The following DYNC2H1 variants were observed in gnomAD, a reference collection of about 807,000 sequenced individuals.
The protein encoded by DYNC2H1 is cytoplasmic dynein 2 heavy chain 1.
In DYNC2H1, 410 loss-of-function variants were observed where a neutral mutation model predicts 570.0. The ratio of observed to expected loss-of-function variants is 0.72; its 90% CI spans 0.66 to 0.78. DYNC2H1 has a LOEUF of 0.78. Ranked by LOEUF, DYNC2H1 falls within the 30% of genes least tolerant of loss-of-function variation. DYNC2H1 has a pLI of 0.00. For missense variants in DYNC2H1, 4,865 were observed against 5,046.4 expected (o/e 0.96, Z 1.09); for synonymous variants, 1,688 against 1,677.6 (o/e 1.01, Z -0.15).
intron 87 of DYNC2H1, among the ~76,000 whole-genome samples, chr11:103,457,663 C>T (rs1944843549): frequency 1.3e-5 from 2 of 151,784 alleles, no homozygotes; most frequent in South Asian, 4.2e-4. Context: ...CGCAAAAAAT[C>T]AAAAGTATAA....
At position 103,451,324 on chromosome 11, in the gene DYNC2H1, C is replaced by CTTT. The variant is rs34032894; in HGVS notation, c.12457-3837_12457-3835dup. ...AGAAATGAATCACTGAGTAAAAGGG[C>CTTT]TTTTTTTTTTTTTTTTTTTTTTTTT... On this transcript the variant is annotated intron_variant, in intron 85 of 88. Coordinates refer to ENST00000375735, the MANE Select transcript of DYNC2H1 (RefSeq NM_001377.3). Among the ~76,000 whole-genome samples the CTTT allele has an allele frequency of 2.6e-3, 187 of 71,042 alleles. 36 individuals are homozygous for CTTT. The highest frequency in any genetic ancestry group is 8.2e-3 in the African/African-American group (122 of 14,840). 46.6% of individuals were successfully genotyped at this position (71,042 alleles called of 152,430 possible).
chr11:103,288,213 CAAAGGCAG>C lies in DYNC2H1; in HGVS notation c.11095+610_11095+617del, dbSNP rs1866428969. On this transcript the variant is annotated intron_variant, in intron 75 of 88. Coordinates refer to ENST00000375735, the MANE Select transcript of DYNC2H1 (RefSeq NM_001377.3). ...ATTTTGTAGCTAATTTGTTAGTCTG[CAAAGGCAG>C]ACTAGCCCCCAGGCAAGAAGGGGGT... is the stretch of plus-strand genomic sequence containing the variant. Among the ~76,000 whole-genome samples, 6 of 152,038 alleles carry C rather than the reference CAAAGGCAG, an allele frequency of 3.9e-5. No homozygotes were observed. In the South Asian group the frequency reaches 1.2e-3, roughly 32 times the overall value.
intron 34 of DYNC2H1, among the ~76,000 whole-genome samples, chr11:103,172,667 CAGAT>C (rs1177080816): frequency 1.3e-5 from 2 of 151,970 alleles, no homozygotes; most frequent in African/African-American, 4.8e-5. Context: ...TCTGTAATAC[CAGAT>C]AGACTCTGAG....
intron 83 of DYNC2H1, among the ~76,000 whole-genome samples, chr11:103,374,212 T>C (rs1941295970): frequency 6.6e-6 from 1 of 152,170 alleles, no homozygotes; most frequent in African/African-American, 2.4e-5. Context: ...CCGTGTGTCA[T>C]GGGAGGGACC....
rs1369405524 is a variant in DYNC2H1 at position 103,177,426 on chromosome 11, T to G, written c.5875-130T>G. Reference sequence around the variant, plus strand: ...TTTATTTAGGTAGTCTATTACATTTTAGGCAATACCTTCCACTGAAGAAAT... The same window carrying G: ...TTTATTTAGGTAGTCTATTACATTTGAGGCAATACCTTCCACTGAAGAAAT... On this transcript the variant is annotated intron_variant, in intron 37 of 88. Coordinates refer to ENST00000375735, the MANE Select transcript of DYNC2H1 (RefSeq NM_001377.3). The surrounding 1 kb of genome is among the most constrained non-coding windows in gnomAD (Gnocchi z 4.4). The G allele has an allele frequency of 5.1e-6, 4 of 783,038 alleles. No individual in the cohort carries two copies. Among genetic ancestry groups the G allele is most frequent in the Non-Finnish European group, 5.8e-6 (3 of 516,674 alleles). The allele number at this position is 783,038 out of a possible 1,614,324, so 48.5% of individuals were successfully genotyped here.
chr11:103,159,610 G>A (rs1277035633), intron 28 of DYNC2H1, among the ~76,000 whole-genome samples: 1 of 151,900 alleles, frequency 6.6e-6, no homozygotes, highest in Non-Finnish European at 1.5e-5. Flanking sequence ...CACTTTAATG[G>A]GATACTTATT....
At chr11:103,423,871 A>T (rs1034407090) in intron 84 of DYNC2H1, among the ~76,000 whole-genome samples, 2 of 152,084 alleles carry the variant, frequency 1.3e-5, no homozygotes, top group African/African-American at 4.8e-5. Flanking sequence ...ATATATAAAG[A>T]TCAGTTGTAT....
chr11:103,188,776 A>C, intron 44 of DYNC2H1, 128 bp downstream of exon 44: 1 of 747,304 alleles, frequency 1.3e-6, no homozygotes, highest in Non-Finnish European at 1.9e-6. Flanking sequence ...AACCTCTGAT[A>C]TTTTTTCCTA....
intron 83 of DYNC2H1, among the ~76,000 whole-genome samples, chr11:103,380,863 A>T (rs922484623): frequency 1.1e-4 from 17 of 152,188 alleles, no homozygotes; most frequent in African/African-American, 4.1e-4. Context: ...TGCCTGGCCG[A>T]GGAATTCTTT....
chr11:103,291,502 A>G (rs1866599594), intron 75 of DYNC2H1, among the ~76,000 whole-genome samples: 1 of 152,206 alleles, frequency 6.6e-6, no homozygotes, highest in Non-Finnish European at 1.5e-5. Flanking sequence ...TAACTCCTTT[A>G]AGAGTTATAA....
At chr11:103,167,607 G>A (rs533311128) in intron 31 of DYNC2H1, among the ~76,000 whole-genome samples, 2 of 152,046 alleles carry the variant, frequency 1.3e-5, no homozygotes, top group South Asian at 4.1e-4. Flanking sequence ...AACCTCAACA[G>A]GTATGTCATC....
chr11:103,390,206 G>C (rs562346561), intron 83 of DYNC2H1, among the ~76,000 whole-genome samples: 2 of 152,114 alleles, frequency 1.3e-5, no homozygotes, highest in African/African-American at 4.8e-5. Context: ...ATATATTTAG[G>C]ATAGTTAGCT....
chr11:103,425,423 T>C (rs1565588913), intron 84 of DYNC2H1, among the ~76,000 whole-genome samples: 1 of 152,036 alleles, frequency 6.6e-6, no homozygotes, highest in Non-Finnish European at 1.5e-5. Context: ...CCTCATATGG[T>C]GGAAAGAGTG....
At chr11:103,287,853 G>A (rs1866410242) in intron 75 of DYNC2H1, 1 of 365,948 alleles carries the variant, frequency 2.7e-6, no homozygotes, top group Admixed American at 4.5e-5. Context: ...AGCAAGACAG[G>A]AGAATTGCCA....
Position 103,177,865 on chromosome 11 carries a change from G to A in DYNC2H1, c.6139+45G>A. 1 of 1,542,746 alleles carries A rather than the reference G, an allele frequency of 6.5e-7. No individual in the cohort carries two copies. Among genetic ancestry groups the A allele is most frequent in the East Asian group, 2.3e-5 (1 of 43,324 alleles). ...TCTTTGCTTTACTTAGTAATTCTTAGATAATGATATAATTTGTCTATAATG... is the reference window on the plus strand; with the variant it reads ...TCTTTGCTTTACTTAGTAATTCTTAAATAATGATATAATTTGTCTATAATG... On this transcript the variant is annotated intron_variant, in intron 38 of 88. Coordinates refer to ENST00000375735, the MANE Select transcript of DYNC2H1 (RefSeq NM_001377.3). This position sits in a 1 kb window ranked among gnomAD's most constrained non-coding sequence, Gnocchi z 4.4.
intron 69 of DYNC2H1, 51 bp from the exon 70 acceptor site, chr11:103,259,837 C>T: frequency 7.8e-7 from 1 of 1,275,160 alleles, no homozygotes; most frequent in Non-Finnish European, 1.1e-6. Flanking sequence ...TATAGGCGTA[C>T]TTTTTAAATG....
In DYNC2H1 at chr11:103,264,670, A is replaced by G. The variant is rs1382660848; in HGVS notation, c.10695+4693A>G. On this transcript the variant is annotated intron_variant, in intron 70 of 88. Transcript: ENST00000375735. This position sits in a 1 kb window ranked among gnomAD's most constrained non-coding sequence, Gnocchi z 4.8. Reference sequence around the variant, plus strand: ...CTTCATGCTGAAAACTTCATAAACTAGGTATTGATGGAACGTATCTCAAAA... The same window carrying G: ...CTTCATGCTGAAAACTTCATAAACTGGGTATTGATGGAACGTATCTCAAAA... Among the ~76,000 whole-genome samples, 1 of 152,224 alleles carries G rather than the reference A, an allele frequency of 6.6e-6. No individual in the cohort carries two copies. Among genetic ancestry groups the G allele is most frequent in the Non-Finnish European group, 1.5e-5 (1 of 68,046 alleles).
At chr11:103,171,633 A>G (rs931529872) in intron 34 of DYNC2H1, among the ~76,000 whole-genome samples, 15 of 152,108 alleles carry the variant, frequency 9.9e-5, no homozygotes, top group African/African-American at 2.9e-4. Context: ...ATATTATTCT[A>G]TTGTCTGTGC....
chr11:103,300,117 G>A (rs376306407), intron 75 of DYNC2H1, among the ~76,000 whole-genome samples: 89 of 152,050 alleles, frequency 5.9e-4, no homozygotes, highest in African/African-American at 2.0e-3. Context: ...TACTTACTAC[G>A]TATAATAGTT....
Sources: gnomAD v4.1 joint callset for allele counts (sites outside exome capture counted in the v4.1 genomes callset) on GRCh38, gnomAD v4.1.1 for gene constraint, Gnocchi (gnomAD v3.1) non-coding constraint, MANE v1.5 for transcripts, NCBI Gene and HGNC (gene_info 2026-07-23, HGNC 2026-07-21) for gene names.